The following PGCKA1 variants were observed in gnomAD, a reference collection of about 807,000 sequenced individuals.
The protein encoded by PGCKA1 is PDCD10 and GCKIII kinases-associated protein 1.
chr4:37,546,125 C>T, the PGCKA1 span, among the ~76,000 whole-genome samples: 8 of 152,260 alleles, frequency 5.3e-5, no homozygotes, highest in South Asian at 1.2e-3. Flanking sequence ...TACTTTGTAC[C>T]GACTGTGCTC....
the PGCKA1 span, among the ~76,000 whole-genome samples, chr4:37,566,425 C>T: frequency 1.6e-4 from 24 of 151,428 alleles, no homozygotes; most frequent in African/African-American, 5.8e-4. Context: ...CGATTACAGG[C>T]GCACATCACC....
the PGCKA1 span, among the ~76,000 whole-genome samples, chr4:37,476,078 C>T: frequency 6.6e-6 from 1 of 151,634 alleles, no homozygotes; most frequent in Non-Finnish European, 1.5e-5. Flanking sequence ...GTATCTGGCT[C>T]TATTTTGATT....
At chr4:37,477,227 G>C in the PGCKA1 span, among the ~76,000 whole-genome samples, 1 of 152,290 alleles carries the variant, frequency 6.6e-6, no homozygotes, top group East Asian at 1.9e-4. Flanking sequence ...AAGGAACAGA[G>C]TACTGATAAC....
At chr4:37,556,965 C>T in the PGCKA1 span, among the ~76,000 whole-genome samples, 2 of 152,146 alleles carry the variant, frequency 1.3e-5, no homozygotes, top group South Asian at 2.1e-4. Context: ...GAGAAGATTT[C>T]GCTGACGAGA....
the PGCKA1 span, among the ~76,000 whole-genome samples, chr4:37,576,423 T>G: frequency 6.6e-6 from 1 of 152,162 alleles, no homozygotes; most frequent in South Asian, 2.1e-4. Context: ...TTTTGTATGT[T>G]GATTTTGTAT....
At chr4:37,509,988 A>AGGG in the PGCKA1 span, among the ~76,000 whole-genome samples, 7 of 109,994 alleles carry the variant, frequency 6.4e-5, no homozygotes, top group Non-Finnish European at 1.1e-4. Flanking sequence ...GGAGAGGGAG[A>AGGG]GGGAGGGGGA....
chr4:37,563,936 C>G, the PGCKA1 span, among the ~76,000 whole-genome samples: 1 of 152,108 alleles, frequency 6.6e-6, no homozygotes, highest in Non-Finnish European at 1.5e-5. Flanking sequence ...AAACATTGCC[C>G]ATTTCTACAC....
At chr4:37,532,867 T>C in the PGCKA1 span, among the ~76,000 whole-genome samples, 2 of 143,524 alleles carry the variant, frequency 1.4e-5, no homozygotes, top group Non-Finnish European at 3.1e-5. Context: ...AAGATAAGCT[T>C]CTATGAAATG....
At chr4:37,584,847 G>A in the PGCKA1 span, among the ~76,000 whole-genome samples, 6 of 151,284 alleles carry the variant, frequency 4.0e-5, no homozygotes, top group African/African-American at 9.7e-5. Context: ...CCTTTCTTTC[G>A]CCTTCCCCTG....
chr4:37,489,087 G>A, the PGCKA1 span, among the ~76,000 whole-genome samples: 4 of 152,126 alleles, frequency 2.6e-5, no homozygotes, highest in East Asian at 1.9e-4. Flanking sequence ...GAAGATTGCC[G>A]GGGCTTAGGG....
chr4:37,529,931 T>G, the PGCKA1 span, among the ~76,000 whole-genome samples: 1 of 152,190 alleles, frequency 6.6e-6, no homozygotes, highest in Non-Finnish European at 1.5e-5. Flanking sequence ...ATTTTACATA[T>G]TAAAAAATAA....
the PGCKA1 span, among the ~76,000 whole-genome samples, chr4:37,467,782 T>A: frequency 1.3e-5 from 2 of 152,268 alleles, no homozygotes; most frequent in Non-Finnish European, 2.9e-5. Context: ...TCTCCTCCAG[T>A]AAATTTGTGC....
chr4:37,507,214 A>G, the PGCKA1 span, among the ~76,000 whole-genome samples: 1 of 151,944 alleles, frequency 6.6e-6, no homozygotes, highest in Non-Finnish European at 1.5e-5. Context: ...AGATAATTGG[A>G]TCTTGGTTTT....
At chr4:37,590,579 A>C in the PGCKA1 span, 1 of 1,614,182 alleles carries the variant, frequency 6.2e-7, no homozygotes, top group Admixed American at 1.7e-5. Flanking sequence ...TTTGCCTTGG[A>C]AGTACAAGAC....
the PGCKA1 span, among the ~76,000 whole-genome samples, chr4:37,489,316 T>C: frequency 2.6e-5 from 4 of 152,150 alleles, no homozygotes; most frequent in Non-Finnish European, 5.9e-5. Flanking sequence ...CACTAAATTC[T>C]TATGTATGCT....
the PGCKA1 span, among the ~76,000 whole-genome samples, chr4:37,545,015 C>G: frequency 6.6e-6 from 1 of 152,114 alleles, no homozygotes; most frequent in South Asian, 2.1e-4. Flanking sequence ...ACCACCACAC[C>G]TGGCTAATTT....
chr4:37,519,947 ATTT>A, the PGCKA1 span, among the ~76,000 whole-genome samples: 1 of 152,074 alleles, frequency 6.6e-6, no homozygotes, highest in African/African-American at 2.4e-5. Context: ...TACCCCCAGT[ATTT>A]TTAGGGATTT....
At chr4:37,568,406 C>T in the PGCKA1 span, among the ~76,000 whole-genome samples, 2 of 152,200 alleles carry the variant, frequency 1.3e-5, no homozygotes, top group African/African-American at 2.4e-5. Flanking sequence ...CCTCTCAGCC[C>T]ATTCCCAGTG....
the PGCKA1 span, chr4:37,588,981 A>G: frequency 9.8e-7 from 1 of 1,021,672 alleles, no homozygotes; most frequent in South Asian, 1.3e-5. Context: ...GCGTGTATTC[A>G]GTGCATTTAT....
Sources: allele counts gnomAD v4.1 joint callset (sites outside exome capture counted in the v4.1 genomes callset), GRCh38; gene constraint gnomAD v4.1.1; transcripts MANE v1.5; gene names NCBI Gene and HGNC (gene_info 2026-07-23, HGNC 2026-07-21).